KIFAP3: variants seen among roughly 807,000 people sequenced by gnomAD.
The protein encoded by KIFAP3 is kinesin associated protein 3.
A neutral mutation model predicts 106.5 loss-of-function variants in KIFAP3; 68 were observed. The ratio of observed to expected loss-of-function variants is 0.64; its 90% CI spans 0.53 to 0.78. The LOEUF is 0.78. Among genes scored for constraint, KIFAP3 ranks in the 30% least tolerant of loss-of-function variants. KIFAP3 has a pLI of 0.00. For synonymous variants in KIFAP3, 320 were observed against 311.5 expected (o/e 1.03, Z -0.29); for missense variants, 780 against 941.8 (o/e 0.83, Z 2.25).
chr1:170,021,509 C>T (rs994959575), intron 9 of KIFAP3, among the ~76,000 whole-genome samples: 50 of 147,742 alleles, frequency 3.4e-4, no homozygotes, highest in Admixed American at 1.8e-3. Context: ...ACATGATCTC[C>T]GCTCAATGCA....
At chr1:169,923,694 G>A (rs769806686) in intron 19 of KIFAP3, among the ~76,000 whole-genome samples, 14 of 152,172 alleles carry the variant, frequency 9.2e-5, no homozygotes, top group Non-Finnish European at 1.9e-4. Flanking sequence ...GGACAGTGAG[G>A]AAACATGCAA....
chr1:169,991,557 A>C (rs1212225553), intron 11 of KIFAP3, among the ~76,000 whole-genome samples: 1 of 152,164 alleles, frequency 6.6e-6, no homozygotes, highest in Non-Finnish European at 1.5e-5. Flanking sequence ...ATAAAAACTT[A>C]TGTTTTCTTA....
intron 9 of KIFAP3, among the ~76,000 whole-genome samples, chr1:170,022,642 A>G (rs1176740179): frequency 1.3e-5 from 2 of 152,162 alleles, no homozygotes; most frequent in East Asian, 3.9e-4. Flanking sequence ...GATTCTACAG[A>G]TGTCCTTAAA....
intron 19 of KIFAP3, among the ~76,000 whole-genome samples, chr1:169,925,147 C>T (rs190592077): frequency 2.0e-4 from 30 of 152,236 alleles, no homozygotes; most frequent in African/African-American, 6.3e-4. Context: ...TGGTGTATCC[C>T]TCTAGACTAG....
At chr1:169,957,234 T>C (rs1665063308) in intron 18 of KIFAP3, among the ~76,000 whole-genome samples, 1 of 152,218 alleles carries the variant, frequency 6.6e-6, no homozygotes, top group Non-Finnish European at 1.5e-5. Flanking sequence ...GGAACTAAAG[T>C]ATTTCATGGA....
intron 17 of KIFAP3, 106 bp from the exon 18 acceptor site, chr1:169,961,341 A>G: frequency 2.7e-6 from 2 of 740,386 alleles, no homozygotes; most frequent in Non-Finnish European, 4.5e-6. Context: ...TCACTGGGTC[A>G]GAGGAAGCAC....
rs16862900 is a variant in KIFAP3, at chr1:169,995,513, G to T, written c.1184-3258C>A. Among the ~76,000 whole-genome samples the T allele has an allele frequency of 8.4e-3, 1,279 of 152,000 alleles. 22 individuals are homozygous for T. Among genetic ancestry groups the T allele is most frequent in the African/African-American group, 0.028 (1,162 of 41,482 alleles). Reference sequence around the variant, plus strand: ...TTTGAAGATATTTTCTCTAGTAATGGATTCACTGAAAAGTAGGATTCCAAG... The same window carrying T: ...TTTGAAGATATTTTCTCTAGTAATGTATTCACTGAAAAGTAGGATTCCAAG... On this transcript the variant is annotated intron_variant, in intron 10 of 19. Transcript: ENST00000361580.
intron 2 of KIFAP3, among the ~76,000 whole-genome samples, chr1:170,053,092 C>G (rs1362072874): frequency 6.6e-6 from 1 of 152,162 alleles, no homozygotes; most frequent in Non-Finnish European, 1.5e-5. Context: ...ATTTAGAAAA[C>G]CCCATCGTGT....
chr1:169,935,791 G>A (rs1415309819), intron 19 of KIFAP3, among the ~76,000 whole-genome samples: 1 of 151,880 alleles, frequency 6.6e-6, no homozygotes, highest in Non-Finnish European at 1.5e-5. Flanking sequence ...TTAGAAAAAT[G>A]ATTAGAAAAT....
chr1:169,989,751 T>C (rs990514591), intron 11 of KIFAP3, among the ~76,000 whole-genome samples: 1 of 152,070 alleles, frequency 6.6e-6, no homozygotes, highest in Non-Finnish European at 1.5e-5. Flanking sequence ...GTCTAAGAAA[T>C]TACCCTTGAG....
At chr1:170,049,073 T>C (rs1670432928) in intron 2 of KIFAP3, among the ~76,000 whole-genome samples, 1 of 152,204 alleles carries the variant, frequency 6.6e-6, no homozygotes, top group Non-Finnish European at 1.5e-5. Flanking sequence ...TATGAACCAC[T>C]GGCTTGAAAT....
chr1:170,084,894 C>T (rs748493814), intron 1 of KIFAP3: 1 of 152,084 alleles, frequency 6.6e-6, no homozygotes, highest in African/African-American at 2.4e-5. Context: ...TTACTTTCAG[C>T]AATATTCGTT....
At chr1:169,982,516 T>C (rs539743283) in intron 14 of KIFAP3, among the ~76,000 whole-genome samples, 186 bp downstream of exon 14, 2 of 152,126 alleles carry the variant, frequency 1.3e-5, no homozygotes, top group East Asian at 3.9e-4. Context: ...AAAACACACT[T>C]TTAGGAAAAA....
chr1:170,052,083 T>C (rs1670603975), intron 2 of KIFAP3, among the ~76,000 whole-genome samples: 1 of 151,776 alleles, frequency 6.6e-6, no homozygotes, highest in African/African-American at 2.4e-5. Context: ...ATTAACAAAA[T>C]AGACTGCTAG....
At chr1:169,978,473 T>C (rs1462496825) in intron 15 of KIFAP3, among the ~76,000 whole-genome samples, 1 of 152,046 alleles carries the variant, frequency 6.6e-6, no homozygotes, top group Non-Finnish European at 1.5e-5. Flanking sequence ...AAAATTATTA[T>C]ACCTTCTAAA....
rs540582173 is a variant in KIFAP3 at position 170,030,698 on chromosome 1, C to T, written c.841+1188G>A. Among the ~76,000 whole-genome samples the T allele has an allele frequency of 4.0e-5, 6 of 151,742 alleles. No individual in the cohort carries two copies. The South Asian group carries it at 1.2e-3, about 32-fold the overall frequency. On this transcript the variant is annotated intron_variant, in intron 8 of 19. Transcript: ENST00000361580. ...AGTAAAAGACAAAAATGCATACATA[C>T]TATATGATTTCATTTATATAAAACT...
chr1:170,006,712 A>C (rs1340485460), intron 10 of KIFAP3, among the ~76,000 whole-genome samples: 1 of 152,162 alleles, frequency 6.6e-6, no homozygotes, highest in Admixed American at 6.6e-5. Context: ...GAAAATAGTA[A>C]ATTGAGGTGA....
intron 18 of KIFAP3, among the ~76,000 whole-genome samples, chr1:169,959,242 G>A (rs1046718109): frequency 1.3e-5 from 2 of 152,104 alleles, no homozygotes; most frequent in Admixed American, 6.6e-5. Context: ...AGGAAAGGAG[G>A]CTGATATTAT....
intron 5 of KIFAP3, 137 bp downstream of exon 5, chr1:170,038,153 T>C: frequency 1.5e-6 from 1 of 680,850 alleles, no homozygotes; most frequent in Non-Finnish European, 2.3e-6. Flanking sequence ...GGAGAATATT[T>C]AAATGCTACA....
Sources: allele counts gnomAD v4.1 joint callset (sites outside exome capture counted in the v4.1 genomes callset), GRCh38; gene constraint gnomAD v4.1.1; transcripts MANE v1.5; gene names NCBI Gene and HGNC (gene_info 2026-07-23, HGNC 2026-07-21).